The following MACROD2 variants were observed in gnomAD, a reference collection of about 807,000 sequenced individuals.
MACROD2 encodes ADP-ribose glycohydrolase MACROD2.
Under a neutral mutation model 70.4 loss-of-function variants are expected in MACROD2, and 36 were observed. The observed-to-expected ratio is 0.51, with a 90% CI of 0.39 to 0.68. The LOEUF (loss-of-function observed/expected upper bound fraction) is 0.68, where lower values mean the gene tolerates loss of function less well. Ranked by LOEUF, MACROD2 falls within the 30% of genes least tolerant of loss-of-function variation. The pLI, the probability that MACROD2 is intolerant of heterozygous loss-of-function variation, is 0.00. For missense variants in MACROD2, 496 were observed against 538.4 expected, an observed-to-expected ratio of 0.92 and a Z score of 0.78; for synonymous variants, 172 against 178.8, an observed-to-expected ratio of 0.96 and a Z score of 0.30.
At chr20:14,872,518 G>A (rs1016419206) in intron 5 of MACROD2, among the ~76,000 whole-genome samples, 11 of 152,048 alleles carry the variant, frequency 7.2e-5, no homozygotes, top group African/African-American at 2.4e-5. Context: ...CATCATTCAC[G>A]AGGGGAAAAT....
At chr20:15,508,087 C>G (rs2047451302) in intron 8 of MACROD2, among the ~76,000 whole-genome samples, 1 of 152,188 alleles carries the variant, frequency 6.6e-6, no homozygotes, top group South Asian at 2.1e-4. Flanking sequence ...ATCAGGCAAT[C>G]AAGGCCTTGG....
intron 3 of MACROD2, among the ~76,000 whole-genome samples, chr20:14,126,468 C>G (rs6110178): frequency 0.52 from 79,703 of 151,918 alleles, 22,698 homozygotes; most frequent in Non-Finnish European, 0.62. Context: ...GTAGGCATAC[C>G]TCATTTATTG....
chr20:14,498,321 C>T (rs1370524240), intron 4 of MACROD2, among the ~76,000 whole-genome samples: 1 of 152,164 alleles, frequency 6.6e-6, no homozygotes, highest in Non-Finnish European at 1.5e-5. Context: ...AGAGTGAAAT[C>T]ATAAACCATG....
chr20:15,871,935 A>G (rs966350943), intron 9 of MACROD2, among the ~76,000 whole-genome samples: 1 of 152,192 alleles, frequency 6.6e-6, no homozygotes, highest in African/African-American at 2.4e-5. Flanking sequence ...GCCTTTCAAC[A>G]ACACCCATGC....
At chr20:14,357,153 G>A (rs541860132) in intron 3 of MACROD2, among the ~76,000 whole-genome samples, 2 of 152,300 alleles carry the variant, frequency 1.3e-5, no homozygotes, top group African/African-American at 4.8e-5. Context: ...CACATTGTAA[G>A]AAGAGTATGA....
Position 14,000,890 on chromosome 20 carries a change from A to G in MACROD2, c.47-1398A>G, listed in dbSNP as rs73900789. Among the ~76,000 whole-genome samples the G allele has an allele frequency of 1.5e-3, 234 of 152,282 alleles. 1 individual carries two copies. Among genetic ancestry groups the G allele is most frequent in the African/African-American group, 3.9e-3 (164 of 41,570 alleles). On this transcript the variant is annotated intron_variant, in intron 1 of 17. Transcript: ENST00000684519. ...TTTTGTTTTACTTTTGTTTCCGGCT[A>G]CTTTTCACTTCTGTGGCCATTCCTC...
At chr20:14,410,213 AT>A (rs1325237810) in intron 3 of MACROD2, among the ~76,000 whole-genome samples, 8 of 74,030 alleles carry the variant, frequency 1.1e-4, no homozygotes, top group African/African-American at 4.5e-4. Context: ...CAGAGTTTGC[AT>A]TTCTTTTTTT....
At chr20:15,582,680 T>G (rs543705635) in intron 8 of MACROD2, among the ~76,000 whole-genome samples, 2 of 152,180 alleles carry the variant, frequency 1.3e-5, no homozygotes, top group Non-Finnish European at 2.9e-5. Flanking sequence ...CCACTGGCAT[T>G]CTGTTCATGT....
At chr20:15,315,215 A>G (rs543615975) in intron 6 of MACROD2, among the ~76,000 whole-genome samples, 1 of 152,346 alleles carries the variant, frequency 6.6e-6, no homozygotes, top group Middle Eastern at 3.4e-3. Flanking sequence ...CACCTAAAGC[A>G]TATTATCATG....
intron 2 of MACROD2, among the ~76,000 whole-genome samples, chr20:14,021,225 G>A (rs549501116): frequency 2.6e-5 from 4 of 152,186 alleles, no homozygotes; most frequent in East Asian, 1.9e-4. Flanking sequence ...TCTTGACCTC[G>A]TGATCCGCCT....
At chr20:14,978,127 T>G (rs1233577050) in intron 5 of MACROD2, among the ~76,000 whole-genome samples, 1 of 152,200 alleles carries the variant, frequency 6.6e-6, no homozygotes, top group Non-Finnish European at 1.5e-5. Flanking sequence ...CTTGACTTTT[T>G]TCCTCATGCT....
At chr20:14,822,152 C>T (rs1384290079) in intron 5 of MACROD2, among the ~76,000 whole-genome samples, 1 of 152,000 alleles carries the variant, frequency 6.6e-6, no homozygotes, top group African/African-American at 2.4e-5. Flanking sequence ...AAACAAGACC[C>T]TTATTTCTGT....
chr20:15,222,561 G>A (rs2076871292), intron 5 of MACROD2, among the ~76,000 whole-genome samples: 1 of 152,162 alleles, frequency 6.6e-6, no homozygotes, highest in African/African-American at 2.4e-5. Flanking sequence ...TTAATTCCAT[G>A]CATTGGTTTT....
chr20:14,467,298 A>C (rs2084466166), intron 3 of MACROD2, among the ~76,000 whole-genome samples: 1 of 152,102 alleles, frequency 6.6e-6, no homozygotes. Flanking sequence ...CTGTGCTAGC[A>C]ATGAGCGAGG....
chr20:14,405,421 G>T (rs2083681419), intron 3 of MACROD2, among the ~76,000 whole-genome samples: 1 of 152,072 alleles, frequency 6.6e-6, no homozygotes, highest in Non-Finnish European at 1.5e-5. Flanking sequence ...ATGTGTGTTG[G>T]TTAGAAATAT....
chr20:14,238,119 C>T (rs979453747), intron 3 of MACROD2, among the ~76,000 whole-genome samples: 15 of 152,178 alleles, frequency 9.9e-5, no homozygotes, highest in Admixed American at 4.6e-4. Context: ...GGAATTGCCA[C>T]ACTGACTTCC....
intron 6 of MACROD2, among the ~76,000 whole-genome samples, chr20:15,300,760 G>C (rs548639042): frequency 6.6e-6 from 1 of 152,284 alleles, no homozygotes; most frequent in Non-Finnish European, 1.5e-5. Flanking sequence ...TAGGGTTAAG[G>C]CTGGTCAATG....
At chr20:14,652,341 G>A (rs1231166062) in intron 4 of MACROD2, among the ~76,000 whole-genome samples, 1 of 152,134 alleles carries the variant, frequency 6.6e-6, no homozygotes, top group Non-Finnish European at 1.5e-5. Flanking sequence ...CATATAACAA[G>A]AGCATGGTAT....
chr20:14,814,921 T>TTGAATGAATGAA (rs71190149), intron 5 of MACROD2, among the ~76,000 whole-genome samples: 16 of 150,796 alleles, frequency 1.1e-4, no homozygotes, highest in East Asian at 1.9e-4. Context: ...TGAACATTTA[T>TTGAATGAATGAA]TGAATGAATG....
Sources: gnomAD v4.1 joint callset for allele counts (sites outside exome capture counted in the v4.1 genomes callset) on GRCh38, gnomAD v4.1.1 for gene constraint, MANE v1.5 for transcripts, NCBI Gene and HGNC (gene_info 2026-07-23, HGNC 2026-07-21) for gene names.